KCNG2: variants seen among roughly 807,000 people sequenced by gnomAD.
KCNG2 encodes voltage-gated potassium channel regulatory subunit KCNG2.
In KCNG2, 7 loss-of-function variants were observed where a neutral mutation model predicts 12.3. The observed-to-expected ratio is 0.57, with a 90% CI of 0.32 to 1.07. The LOEUF (loss-of-function observed/expected upper bound fraction) is 1.07, where lower values mean the gene tolerates loss of function less well. Ranked by LOEUF, KCNG2 falls within the 50% of genes least tolerant of loss-of-function variation. KCNG2 has a pLI of 0.04. For missense variants in KCNG2, 703 were observed against 726.0 expected (o/e 0.97, Z 0.36); for synonymous variants, 414 against 351.4 (o/e 1.18, Z -1.99).
chr18:79,820,877 G>C (rs1381987861), intron 1 of KCNG2, among the ~76,000 whole-genome samples: 1 of 152,078 alleles, frequency 6.6e-6, no homozygotes, highest in Non-Finnish European at 1.5e-5. Flanking sequence ...CAAACTCTTG[G>C]ACTCAAGTGA....
At chr18:79,871,951 C>T (rs892007065) in intron 3 of KCNG2, among the ~76,000 whole-genome samples, 2 of 152,218 alleles carry the variant, frequency 1.3e-5, no homozygotes, top group Non-Finnish European at 2.9e-5. Flanking sequence ...GCTCTGGGGC[C>T]GCACAATGCC....
chr18:79,809,950 C>T (rs950786570), intron 1 of KCNG2, among the ~76,000 whole-genome samples: 3 of 152,212 alleles, frequency 2.0e-5, no homozygotes, highest in East Asian at 3.8e-4. Context: ...GGCTGGTGGG[C>T]GGAGTCCTGT....
chr18:79,863,535 G>C (rs955976015), intron 2 of KCNG2, 93 bp from the exon 3 acceptor site: 14 of 1,019,902 alleles, frequency 1.4e-5, no homozygotes. Context: ...ACCTCCGAGG[G>C]TTCGGTGCCG....
At chr18:79,848,301 C>G (rs1342790154) in intron 1 of KCNG2, among the ~76,000 whole-genome samples, 1 of 152,238 alleles carries the variant, frequency 6.6e-6, no homozygotes, top group African/African-American at 2.4e-5. Flanking sequence ...GCTGCGCAGC[C>G]TAAAACACCA....
chr18:79,823,694 T>C (rs1005294110), intron 1 of KCNG2, among the ~76,000 whole-genome samples: 13 of 152,206 alleles, frequency 8.5e-5, no homozygotes, highest in Non-Finnish European at 4.4e-5. Context: ...TATGAGTTTT[T>C]CCCCTTGTTG....
intron 1 of KCNG2, among the ~76,000 whole-genome samples, chr18:79,810,123 T>C (rs2122993804): frequency 6.6e-6 from 1 of 152,296 alleles, no homozygotes. Context: ...GCTGGGCTTC[T>C]CATGTGCAAA....
intron 1 of KCNG2, among the ~76,000 whole-genome samples, chr18:79,809,855 T>A (rs939494491): frequency 2.0e-4 from 30 of 152,368 alleles, no homozygotes; most frequent in African/African-American, 5.8e-4. Context: ...GGCTGCCCTC[T>A]GCGTCTCCTT....
chr18:79,864,479 G>A (rs62103177), intron 3 of KCNG2, among the ~76,000 whole-genome samples, 188 bp downstream of exon 3: 16,516 of 152,020 alleles, frequency 0.11, 1,024 homozygotes, highest in Middle Eastern at 0.16. Context: ...AGGGAGCGCC[G>A]CTGATGGTGG....
At chr18:79,819,583 C>T (rs962762515) in intron 1 of KCNG2, among the ~76,000 whole-genome samples, 3 of 152,212 alleles carry the variant, frequency 2.0e-5, no homozygotes, top group Non-Finnish European at 4.4e-5. Context: ...GTGTGAGCCC[C>T]GTCCTCCCTA....
chr18:79,824,842 A>G (rs1457399201), intron 1 of KCNG2, among the ~76,000 whole-genome samples: 1 of 152,118 alleles, frequency 6.6e-6, no homozygotes, highest in African/African-American at 2.4e-5. Flanking sequence ...TTTTTTCTTA[A>G]GAGGCATTGA....
rs1040585560 is a variant in KCNG2 at position 79,896,617 on chromosome 18, T to A, written c.625-2423T>A. On this transcript the variant is annotated intron_variant, in intron 3 of 3. Transcript: ENST00000316249. ...CATCTTATTTTTATACAGTTGCTGT[T>A]CAAATCCGTTAAAAAATTCATTTAT... Among the ~76,000 whole-genome samples the A allele has an allele frequency of 4.6e-5, 7 of 152,254 alleles. No individual in the cohort carries two copies. The South Asian group carries it at 1.2e-3, about 27-fold the overall frequency.
intron 1 of KCNG2, among the ~76,000 whole-genome samples, chr18:79,827,204 G>A (rs1978286844): frequency 6.6e-6 from 1 of 152,224 alleles, no homozygotes; most frequent in South Asian, 2.1e-4. Flanking sequence ...CTGGGGCTCG[G>A]GCCAGACCAG....
intron 1 of KCNG2, among the ~76,000 whole-genome samples, chr18:79,806,662 G>A (rs897012037): frequency 6.6e-6 from 1 of 152,174 alleles, no homozygotes; most frequent in Non-Finnish European, 1.5e-5. Context: ...ATCAGAACAT[G>A]GATTCTCTAA....
chr18:79,831,622 C>A (rs28666571), intron 1 of KCNG2, among the ~76,000 whole-genome samples: 19,232 of 29,122 alleles, frequency 0.66, 7,194 homozygotes, highest in East Asian at 0.88. Context: ...GCGTGCCCTG[C>A]GTACAGAGCC....
At position 79,831,549 on chromosome 18, in the gene KCNG2, A is replaced by G. The variant is rs1368809475; in HGVS notation, c.-114-24830A>G. ...CCCTGCGGACAGAGCCTTCGTCAGGAGCGTGCCCTGCGTACAGAGCCTTCG... is the reference window on the plus strand; with the variant it reads ...CCCTGCGGACAGAGCCTTCGTCAGGGGCGTGCCCTGCGTACAGAGCCTTCG... On this transcript the variant is annotated intron_variant, in intron 1 of 3. Coordinates refer to ENST00000316249, the MANE Select transcript of KCNG2 (RefSeq NM_012283.2). 2.1e-3 allele frequency among the ~76,000 whole-genome samples: 231 copies of G among 108,458 alleles called. 13 individuals are homozygous for G. Among genetic ancestry groups the G allele is most frequent in the African/African-American group, 7.0e-3 (210 of 29,960 alleles). 71.2% of individuals were successfully genotyped at this position (108,458 alleles called of 152,430 possible).
intron 3 of KCNG2, among the ~76,000 whole-genome samples, chr18:79,869,655 C>T (rs1979752736): frequency 6.6e-6 from 1 of 152,220 alleles, no homozygotes; most frequent in Non-Finnish European, 1.5e-5. Context: ...CCCACAGCAT[C>T]TTCGTGGCCA....
At chr18:79,845,767 T>C (rs1348096788) in intron 1 of KCNG2, among the ~76,000 whole-genome samples, 1 of 152,226 alleles carries the variant, frequency 6.6e-6, no homozygotes, top group Non-Finnish European at 1.5e-5. Flanking sequence ...AAAACCCCTT[T>C]ATAATTTATG....
chr18:79,869,877 G>A (rs1244338259), intron 3 of KCNG2, among the ~76,000 whole-genome samples: 1 of 152,224 alleles, frequency 6.6e-6, no homozygotes, highest in Non-Finnish European at 1.5e-5. Context: ...CACCTCAGCC[G>A]CCGCCACCAC....
At chr18:79,821,556 C>G (rs2123005905) in intron 1 of KCNG2, among the ~76,000 whole-genome samples, 1 of 152,282 alleles carries the variant, frequency 6.6e-6, no homozygotes, top group East Asian at 1.9e-4. Flanking sequence ...TCCCAAAGTG[C>G]TGGGATTACA....
Sources: gnomAD v4.1 joint callset for allele counts (sites outside exome capture counted in the v4.1 genomes callset) on GRCh38, gnomAD v4.1.1 for gene constraint, MANE v1.5 for transcripts, NCBI Gene and HGNC (gene_info 2026-07-23, HGNC 2026-07-21) for gene names.